The following ASTN2 variants were observed in gnomAD, a reference collection of about 807,000 sequenced individuals.
ASTN2 encodes the protein astrotactin-2.
In ASTN2, 54 loss-of-function variants were observed where a neutral mutation model predicts 139.8. The ratio of observed to expected loss-of-function variants is 0.39; its 90% CI spans 0.31 to 0.48. ASTN2 has a LOEUF of 0.48. Ranked by LOEUF, ASTN2 falls within the 20% of genes least tolerant of loss-of-function variation. The pLI is 0.95. For missense variants in ASTN2, 1,565 were observed against 1,725.1 expected, an observed-to-expected ratio of 0.91 and a Z score of 1.64; for synonymous variants, 756 against 719.5, an observed-to-expected ratio of 1.05 and a Z score of -0.81.
chr9:116,525,672 T>C (rs56123339), intron 19 of ASTN2, among the ~76,000 whole-genome samples: 27,084 of 152,190 alleles, frequency 0.18, 2,543 homozygotes, highest in African/African-American at 0.23. Flanking sequence ...CTGCCTTCAA[T>C]AGCAGTGGCA....
At chr9:117,301,385 G>T (rs544365412) in intron 1 of ASTN2, among the ~76,000 whole-genome samples, 1 of 152,264 alleles carries the variant, frequency 6.6e-6, no homozygotes, top group South Asian at 2.1e-4. Flanking sequence ...ACTAACCTTT[G>T]CTAACACCTA....
At chr9:116,521,211 C>T (rs1239120018) in intron 19 of ASTN2, among the ~76,000 whole-genome samples, 1 of 151,718 alleles carries the variant, frequency 6.6e-6, no homozygotes, top group Non-Finnish European at 1.5e-5. Context: ...GACTAAACAA[C>T]AAATCTGGAG....
At chr9:117,080,509 C>T (rs962657225) in intron 5 of ASTN2, among the ~76,000 whole-genome samples, 1 of 151,846 alleles carries the variant, frequency 6.6e-6, no homozygotes, top group Non-Finnish European at 1.5e-5. Flanking sequence ...AACAGGAGTG[C>T]AAATGTGTGA....
At chr9:116,689,964 C>T (rs1860483438) in intron 16 of ASTN2, among the ~76,000 whole-genome samples, 1 of 152,128 alleles carries the variant, frequency 6.6e-6, no homozygotes, top group African/African-American at 2.4e-5. Context: ...CTCTTTTGGT[C>T]TGCTTTTCCC....
chr9:117,103,063 G>T (rs749431616), intron 4 of ASTN2, among the ~76,000 whole-genome samples: 9 of 152,014 alleles, frequency 5.9e-5, no homozygotes, highest in Non-Finnish European at 1.3e-4. Context: ...GGATGCAGAA[G>T]GTGACCATTC....
chr9:116,529,722 T>C (rs1361265019), intron 19 of ASTN2, among the ~76,000 whole-genome samples: 1 of 152,080 alleles, frequency 6.6e-6, no homozygotes, highest in Non-Finnish European at 1.5e-5. Flanking sequence ...GCTGTTCTCA[T>C]GATAGTGAGT....
chr9:116,465,407 C>G (rs573274254), intron 20 of ASTN2, among the ~76,000 whole-genome samples: 2 of 152,166 alleles, frequency 1.3e-5, no homozygotes, highest in African/African-American at 4.8e-5. Flanking sequence ...CTGATAAGAC[C>G]TCGCCACGGC....
chr9:117,031,097 C>T (rs1454828995), intron 6 of ASTN2, among the ~76,000 whole-genome samples: 2 of 152,068 alleles, frequency 1.3e-5, no homozygotes, highest in African/African-American at 2.4e-5. Flanking sequence ...TCTTTCTGGG[C>T]TCTGGGATGA....
intron 5 of ASTN2, among the ~76,000 whole-genome samples, chr9:117,044,953 C>A (rs910983292): frequency 6.6e-6 from 1 of 152,048 alleles, no homozygotes; most frequent in African/African-American, 2.4e-5. Flanking sequence ...GTAAGGATCA[C>A]CCAATTTTGT....
At chr9:117,398,480 A>C (rs1282574805) in intron 1 of ASTN2, among the ~76,000 whole-genome samples, 1 of 152,090 alleles carries the variant, frequency 6.6e-6, no homozygotes, top group African/African-American at 2.4e-5. Flanking sequence ...AGCAACTCAT[A>C]CTCCCCTGAT....
intron 5 of ASTN2, among the ~76,000 whole-genome samples, chr9:117,076,750 C>T (rs1194560560): frequency 2.6e-5 from 4 of 152,158 alleles, no homozygotes; most frequent in African/African-American, 7.2e-5. Context: ...CACCTACCTA[C>T]CTGCCTCATG....
intron 22 of ASTN2, among the ~76,000 whole-genome samples, chr9:116,428,924 G>A (rs1428902156): frequency 2.0e-5 from 3 of 152,172 alleles, no homozygotes; most frequent in South Asian, 2.1e-4. Context: ...TGTCTTGAGA[G>A]TAAGTGGGAG....
intron 3 of ASTN2, among the ~76,000 whole-genome samples, chr9:117,162,382 T>C (rs1830573960): frequency 6.6e-6 from 1 of 151,958 alleles, no homozygotes; most frequent in South Asian, 2.1e-4. Flanking sequence ...GGGAAATGTA[T>C]GGAATGAGAT....
intron 6 of ASTN2, among the ~76,000 whole-genome samples, chr9:117,009,959 G>C (rs1837469598): frequency 6.6e-6 from 1 of 152,126 alleles, no homozygotes; most frequent in South Asian, 2.1e-4. Context: ...GTAAGGGTAT[G>C]ATTGGCAATG....
At chr9:116,905,968 C>T (rs965174420) in intron 10 of ASTN2, among the ~76,000 whole-genome samples, 1 of 151,454 alleles carries the variant, frequency 6.6e-6, no homozygotes, top group East Asian at 1.9e-4. Context: ...AGCTTTGTTT[C>T]CCCATTTTCC....
At chr9:117,228,906 G>A (rs1462584685) in intron 2 of ASTN2, among the ~76,000 whole-genome samples, 1 of 152,106 alleles carries the variant, frequency 6.6e-6, no homozygotes, top group Non-Finnish European at 1.5e-5. Flanking sequence ...TAGGGGGGCT[G>A]AGGCAGGAGG....
At chr9:117,174,140 T>C (rs1359129707) in intron 3 of ASTN2, among the ~76,000 whole-genome samples, 1 of 151,284 alleles carries the variant, frequency 6.6e-6, no homozygotes, top group Admixed American at 6.6e-5. Context: ...GATAGATAGA[T>C]AGATAGATAG....
intron 10 of ASTN2, among the ~76,000 whole-genome samples, chr9:116,930,028 T>C (rs1056023041): frequency 1.3e-5 from 2 of 152,044 alleles, no homozygotes; most frequent in African/African-American, 4.8e-5. Context: ...TTGCTGGAGG[T>C]CCAGGGTGTC....
At position 116,437,261 on chromosome 9, in the gene ASTN2, G is replaced by A. The variant is rs147938701; in HGVS notation, c.3782+3348C>T. On this transcript the variant is annotated intron_variant, in intron 22 of 22. Transcript: ENST00000313400. ...ATCATGTTATAGGTGAGGAGACTGAGGGCCAGAAAGCGGCAGAGCCCAGGG... is the reference window on the plus strand; with the variant it reads ...ATCATGTTATAGGTGAGGAGACTGAAGGCCAGAAAGCGGCAGAGCCCAGGG... 4.0e-4 allele frequency: 186 copies of A among 470,006 alleles called. 1 individual carries two copies. Among genetic ancestry groups the A allele is most frequent in the African/African-American group, 2.5e-3 (124 of 50,178 alleles). 29.1% of individuals were successfully genotyped at this position (470,006 alleles called of 1,614,324 possible).
Sources: gnomAD v4.1 joint callset for allele counts (sites outside exome capture counted in the v4.1 genomes callset) on GRCh38, gnomAD v4.1.1 for gene constraint, MANE v1.5 for transcripts, NCBI Gene and HGNC (gene_info 2026-07-23, HGNC 2026-07-21) for gene names.